Variants in SLC8A1 observed in about 807,000 individuals in gnomAD.
The protein encoded by SLC8A1 is sodium/calcium exchanger 1.
A neutral mutation model predicts 68.3 loss-of-function variants in SLC8A1; 18 were observed. The ratio of observed to expected loss-of-function variants is 0.26; its 90% CI spans 0.18 to 0.39. The LOEUF (loss-of-function observed/expected upper bound fraction) is 0.39, where lower values mean the gene tolerates loss of function less well. SLC8A1 is among the 10% of genes least tolerant of loss of function. The pLI is 1.00. For missense variants in SLC8A1, 985 were observed against 1,156.7 expected (o/e 0.85, Z 2.15); for synonymous variants, 475 against 415.5 (o/e 1.14, Z -1.74).
At chr2:40,327,214 T>C (rs2075923754) in intron 2 of SLC8A1, among the ~76,000 whole-genome samples, 2 of 152,258 alleles carry the variant, frequency 1.3e-5, no homozygotes, top group Non-Finnish European at 2.9e-5. Flanking sequence ...ATTACATTTC[T>C]AATTTGATAG....
chr2:40,174,706 C>G (rs1484843740), intron 4 of SLC8A1: 6 of 1,526,568 alleles, frequency 3.9e-6, no homozygotes, highest in Non-Finnish European at 5.4e-6. Flanking sequence ...TAAGTCTTAC[C>G]AAACAGGTAT....
intron 1 of SLC8A1, among the ~76,000 whole-genome samples, chr2:40,451,535 T>G (rs6712115): frequency 0.013 from 2,047 of 152,066 alleles, 47 homozygotes; most frequent in African/African-American, 0.047. Flanking sequence ...GCATTCGGGG[T>G]GGACTTAGCT....
At chr2:40,417,046 A>C (rs970915067) in intron 2 of SLC8A1, among the ~76,000 whole-genome samples, 1 of 152,156 alleles carries the variant, frequency 6.6e-6, no homozygotes, top group Non-Finnish European at 1.5e-5. Flanking sequence ...GCAAAGGAGC[A>C]TTTTAAAATG....
intron 2 of SLC8A1, among the ~76,000 whole-genome samples, chr2:40,310,283 G>C (rs1479011055): frequency 1.3e-5 from 2 of 152,206 alleles, no homozygotes; most frequent in African/African-American, 4.8e-5. Context: ...TTACGGTGTA[G>C]CCCTAAGGGT....
At chr2:40,225,806 T>C (rs1390636609) in intron 2 of SLC8A1, among the ~76,000 whole-genome samples, 1 of 152,164 alleles carries the variant, frequency 6.6e-6, no homozygotes, top group Admixed American at 6.5e-5. Flanking sequence ...CACTTTACCT[T>C]GGCCTCACTT....
intron 1 of SLC8A1, among the ~76,000 whole-genome samples, chr2:40,509,922 G>A (rs111792140): frequency 1.3e-5 from 2 of 152,050 alleles, no homozygotes; most frequent in Admixed American, 1.3e-4. Context: ...CCGCCTCCCA[G>A]GTTCAAGCGA....
intron 1 of SLC8A1, among the ~76,000 whole-genome samples, chr2:40,472,056 T>C (rs1362834865): frequency 1.3e-5 from 2 of 152,214 alleles, no homozygotes; most frequent in African/African-American, 4.8e-5. Flanking sequence ...ACCGGGGGAA[T>C]TGTAAACATG....
rs1574293030 is a variant in SLC8A1, at chr2:40,222,979, A to C, written c.1809-45124T>G. ...GTGTGGCGATTCCTCAAGGATCTAG[A>C]ACTAGAAATGTCATTTGACCTAGCA... On this transcript the variant is annotated intron_variant, in intron 2 of 7. Coordinates refer to ENST00000406785, the Ensembl canonical transcript of SLC8A1. 5.3e-5 allele frequency among the ~76,000 whole-genome samples: 8 copies of C among 152,198 alleles called. No individual in the cohort carries two copies. In the South Asian group the frequency reaches 1.7e-3, roughly 32 times the overall value.
chr2:40,131,149 CTAT>C (rs759337033), intron 7 of SLC8A1, among the ~76,000 whole-genome samples: 8 of 152,090 alleles, frequency 5.3e-5, no homozygotes, highest in Non-Finnish European at 1.2e-4. Context: ...TTTCATGTTC[CTAT>C]TATTCTGGCT....
chr2:40,226,448 C>CTGCCAAGGCACAGGGAAAGTCTAGAA (rs1262708432), intron 2 of SLC8A1, among the ~76,000 whole-genome samples: 32 of 152,144 alleles, frequency 2.1e-4, no homozygotes, highest in Non-Finnish European at 4.3e-4. Flanking sequence ...AATCATGCAT[C>CTGCCAAGGCACAGGGAAAGTCTAGAA]TGCCAAGGCA....
intron 2 of SLC8A1, among the ~76,000 whole-genome samples, chr2:40,423,136 A>G (rs1432378222): frequency 4.6e-5 from 7 of 152,118 alleles, no homozygotes. Context: ...CCCATTATAC[A>G]AAATGTACTT....
intron 3 of SLC8A1, 67 bp from the exon 5 acceptor site, chr2:40,174,909 T>C (rs2048201321): frequency 2.7e-6 from 4 of 1,486,436 alleles, no homozygotes; most frequent in Non-Finnish European, 3.7e-6. Flanking sequence ...ACCAGTGACA[T>C]CAGACTGCCT....
intron 1 of SLC8A1, 37 bp from the exon 2 acceptor site, chr2:40,430,341 A>G: frequency 6.5e-7 from 1 of 1,528,762 alleles, no homozygotes; most frequent in South Asian, 1.3e-5. Context: ...GCAGAAAAAA[A>G]GTCATGTCAT....
intron 1 of SLC8A1, among the ~76,000 whole-genome samples, chr2:40,442,253 A>G (rs1700630508): frequency 6.6e-6 from 1 of 150,964 alleles, no homozygotes; most frequent in African/African-American, 2.4e-5. Context: ...TTTTACTAAA[A>G]GTGATAATTC....
chr2:40,285,982 C>G (rs1035257735), intron 2 of SLC8A1, among the ~76,000 whole-genome samples: 13 of 152,094 alleles, frequency 8.5e-5, no homozygotes, highest in African/African-American at 3.1e-4. Flanking sequence ...TGGCAGAAAA[C>G]TCTTAAGAGG....
exon 8 of SLC8A1, chr2:40,101,341 C>T (rs1174508330): frequency 6.6e-6 from 1 of 152,150 alleles, no homozygotes; most frequent in East Asian, 1.9e-4. Context: ...ACACAGCACT[C>T]TTCAAAACAG....
chr2:40,183,179 C>G (rs1450555312), intron 2 of SLC8A1, among the ~76,000 whole-genome samples: 1 of 152,156 alleles, frequency 6.6e-6, no homozygotes, highest in Non-Finnish European at 1.5e-5. Flanking sequence ...TCCAAGGTCA[C>G]AAAGTGAGTC....
At chr2:40,250,411 A>G (rs2062550828) in intron 2 of SLC8A1, 1 of 152,198 alleles carries the variant, frequency 6.6e-6, no homozygotes, top group African/African-American at 2.4e-5. Context: ...CTTAATTCCA[A>G]TATTATTAAA....
chr2:40,101,212 C>T (rs2033871008), exon 8 of SLC8A1: 1 of 152,114 alleles, frequency 6.6e-6, no homozygotes, highest in African/African-American at 2.4e-5. Flanking sequence ...CAGGGAACTC[C>T]AGCTACTGTA....
Sources: gnomAD v4.1 joint callset for allele counts (sites outside exome capture counted in the v4.1 genomes callset) on GRCh38, gnomAD v4.1.1 for gene constraint, MANE v1.5 for transcripts, NCBI Gene and HGNC (gene_info 2026-07-23, HGNC 2026-07-21) for gene names.